Variants in TUT4 observed in about 807,000 individuals in gnomAD.
TUT4 encodes terminal uridylyltransferase 4.
Under a neutral mutation model 192.2 loss-of-function variants are expected in TUT4, and 36 were observed. That is an observed-to-expected ratio of 0.19 (90% CI 0.14 to 0.25). The LOEUF (loss-of-function observed/expected upper bound fraction) is 0.25. TUT4 is among the 10% of genes least tolerant of loss of function. The pLI is 1.00. For synonymous variants in TUT4, 618 were observed against 666.0 expected, an observed-to-expected ratio of 0.93 and a Z score of 1.11; for missense variants, 1,493 against 1,957.2, an observed-to-expected ratio of 0.76 and a Z score of 4.47.
intron 1 of TUT4, among the ~76,000 whole-genome samples, chr1:52,531,389 A>T (rs1432343013): frequency 6.6e-6 from 1 of 152,004 alleles, no homozygotes; most frequent in East Asian, 1.9e-4. Context: ...TGGCTGTAAG[A>T]AGTGATCCTG....
intron 20 of TUT4, among the ~76,000 whole-genome samples, chr1:52,455,092 T>C (rs963429587): frequency 3.9e-5 from 6 of 152,102 alleles, no homozygotes; most frequent in African/African-American, 1.2e-4. Context: ...GAGACCAACC[T>C]GGGCAACATG....
At position 52,474,955 on chromosome 1, in the gene TUT4, G is replaced by A; in HGVS notation, c.2604C>T (p.Asp868=). 6.2e-7 allele frequency: 1 copy of A among 1,614,152 alleles called. No homozygotes were observed. Among genetic ancestry groups the A allele is most frequent in the Non-Finnish European group, 8.5e-7 (1 of 1,180,036 alleles). Residue 868 remains aspartate, a synonymous_variant, in exon 13 of 30, where the codon GAC becomes GAT. Coordinates refer to ENST00000257177, the MANE Select transcript of TUT4 (RefSeq NM_001009881.3). ...TGCAGTTGCAAGAGGTAGCAGATGT[G>A]TCGGTGCACACACTCTGATGTGAAC... ...TESSHQSVCT[D]TSATSCNCKA...
chr1:52,536,840 G>A (rs932490078), intron 1 of TUT4, among the ~76,000 whole-genome samples: 1 of 147,150 alleles, frequency 6.8e-6, no homozygotes, highest in Non-Finnish European at 1.5e-5. Context: ...GGCAACAAGA[G>A]TTTCGTCTCA....
Position 52,511,993 on chromosome 1 carries a change from G to A in TUT4, c.883-2281C>T, listed in dbSNP as rs189932350. Among the ~76,000 whole-genome samples, 410 of 152,304 alleles carry A rather than the reference G, an allele frequency of 2.7e-3. 1 individual carries two copies. Among genetic ancestry groups the A allele is most frequent in the Non-Finnish European group, 4.0e-3 (272 of 68,014 alleles). Reference sequence around the variant, plus strand: ...AAGGTGGTAAAAAGAGTTGCTTTCAGGAGTTGAAAGCATACATACAGAATA... The same window carrying A: ...AAGGTGGTAAAAAGAGTTGCTTTCAAGAGTTGAAAGCATACATACAGAATA... On this transcript the variant is annotated intron_variant, in intron 3 of 29. Transcript: ENST00000257177.
intron 28 of TUT4, 21 bp downstream of exon 28, chr1:52,430,992 A>G: frequency 1.3e-6 from 2 of 1,534,214 alleles, no homozygotes; most frequent in African/African-American, 1.4e-5. Flanking sequence ...GCAGATAAAA[A>G]AGAAGAAAAG....
At position 52,500,742 on chromosome 1, in the gene TUT4, A is replaced by G. The variant is rs369068341; in HGVS notation, c.1000-3559T>C. Among the ~76,000 whole-genome samples the G allele has an allele frequency of 2.9e-3, 444 of 152,270 alleles. 1 individual carries two copies. The highest frequency in any genetic ancestry group is 4.8e-3 in the Non-Finnish European group (326 of 67,998). On this transcript the variant is annotated intron_variant, in intron 4 of 29. Transcript: ENST00000257177. ...GTGCCATTGCACTCCAGCCTGGGCA[A>G]CAAGAATGAAACTCTGTCTCAAAAA...
At chr1:52,489,842 G>C (rs1670694296) in intron 8 of TUT4, among the ~76,000 whole-genome samples, 1 of 152,150 alleles carries the variant, frequency 6.6e-6, no homozygotes, top group African/African-American at 2.4e-5. Flanking sequence ...GATCGCCATA[G>C]ACTCATCTAG....
chr1:52,470,929 C>G (rs1426691462), intron 14 of TUT4, among the ~76,000 whole-genome samples: 2 of 150,784 alleles, frequency 1.3e-5, no homozygotes, highest in Admixed American at 1.3e-4. Flanking sequence ...TGTTTATAGG[C>G]TTATCTCTCT....
chr1:52,434,198 A>C (rs1204934955), intron 27 of TUT4: 1 of 152,174 alleles, frequency 6.6e-6, no homozygotes, highest in Non-Finnish European at 1.5e-5. Flanking sequence ...AAATTTCCTA[A>C]ATGTTTTCCA....
chr1:52,515,755 T>G, intron 3 of TUT4, 136 bp downstream of exon 3: 1 of 946,814 alleles, frequency 1.1e-6, no homozygotes, highest in Non-Finnish European at 1.6e-6. Flanking sequence ...AGAAGAAAGG[T>G]AGAGAAGAGG....
Position 52,431,105 on chromosome 1 carries a change from G to A in TUT4, c.4619C>T (p.Pro1540Leu), listed in dbSNP as rs1651937027. 1 of 1,614,242 alleles carries A rather than the reference G, an allele frequency of 6.2e-7. No homozygotes were observed. Among genetic ancestry groups the A allele is most frequent in the African/African-American group, 1.3e-5 (1 of 75,052 alleles). ...GTGAGACGTGTTAGGGATTGCCACA[G>A]GTCTGGCAGCAGGCTGTGCAAAGAT... ...SIIFAQPAAR[P>L]VAIPNTSHDG... Residue 1540 changes from proline to leucine, a missense_variant, in exon 28 of 30, where the codon CCT becomes CTT. Around this residue, in one of 7 missense-constraint regions of TUT4, gnomAD observed 351 missense variants for 397.8 expected, o/e 0.88. Coordinates refer to ENST00000257177, the MANE Select transcript of TUT4 (RefSeq NM_001009881.3).
At chr1:52,446,175 T>C (rs1657467162) in intron 22 of TUT4, 90 bp downstream of exon 22, 7 of 1,409,712 alleles carry the variant, frequency 5.0e-6, no homozygotes, top group Non-Finnish European at 6.8e-6. Context: ...AGAGGAAGAA[T>C]CTTCCAAATC....
At chr1:52,439,411 C>T (rs955404638) in intron 24 of TUT4, among the ~76,000 whole-genome samples, 3 of 152,124 alleles carry the variant, frequency 2.0e-5, no homozygotes, top group Non-Finnish European at 2.9e-5. Context: ...AGTCTTAGAA[C>T]CAGACTTATT....
chr1:52,454,559 C>T (rs1027407035), intron 20 of TUT4, among the ~76,000 whole-genome samples: 4 of 152,064 alleles, frequency 2.6e-5, no homozygotes, highest in African/African-American at 7.2e-5. Context: ...GACCTTATAC[C>T]GTTCACAAAA....
At chr1:52,453,182 C>T (rs986737911) in intron 20 of TUT4, among the ~76,000 whole-genome samples, 1 of 151,886 alleles carries the variant, frequency 6.6e-6, no homozygotes, top group Non-Finnish European at 1.5e-5. Flanking sequence ...ATAAGGAGTT[C>T]GAGACTAGCC....
At chr1:52,455,917 A>G (rs1660798914) in intron 20 of TUT4, among the ~76,000 whole-genome samples, 1 of 152,174 alleles carries the variant, frequency 6.6e-6, no homozygotes, top group Non-Finnish European at 1.5e-5. Flanking sequence ...ACTCGTACAT[A>G]TGATTCAGCA....
chr1:52,521,106 A>G (rs1210644449), intron 2 of TUT4, among the ~76,000 whole-genome samples: 1 of 151,684 alleles, frequency 6.6e-6, no homozygotes, highest in African/African-American at 2.4e-5. Context: ...CTTACTACAT[A>G]TTTTTCTTAT....
chr1:52,472,815 A>T (rs1384193225), intron 13 of TUT4, among the ~76,000 whole-genome samples: 1 of 152,044 alleles, frequency 6.6e-6, no homozygotes, highest in Non-Finnish European at 1.5e-5. Context: ...ACATATGTTT[A>T]AAAAACACCA....
intron 1 of TUT4, among the ~76,000 whole-genome samples, chr1:52,531,702 TAGGAA>T (rs2149521405): frequency 6.6e-6 from 1 of 152,254 alleles, no homozygotes; most frequent in South Asian, 2.1e-4. Flanking sequence ...ACAATATAAC[TAGGAA>T]ATGTCTCTCT....
Sources: gnomAD v4.1 joint callset for allele counts (sites outside exome capture counted in the v4.1 genomes callset) on GRCh38, gnomAD v4.1.1 for gene constraint, gnomAD v4.1.1 regional missense constraint, MANE v1.5 for transcripts, NCBI Gene and HGNC (gene_info 2026-07-23, HGNC 2026-07-21) for gene names.